Variants in RBM27 observed in about 807,000 individuals in gnomAD.
RBM27 encodes the protein RNA binding motif protein 27.
RBM27 carries 22 observed loss-of-function variants against 135.3 expected under a neutral mutation model. That is an observed-to-expected ratio of 0.16 (90% confidence interval 0.12 to 0.23). The LOEUF is 0.23. RBM27 is among the 10% of genes least tolerant of loss of function. The pLI is 1.00. For missense variants in RBM27, 1,009 were observed against 1,281.0 expected (o/e 0.79, Z 3.24); for synonymous variants, 481 against 442.4 (o/e 1.09, Z -1.10).
chr5:146,283,256 T>C (rs1288832220), intron 19 of RBM27, among the ~76,000 whole-genome samples: 1 of 152,178 alleles, frequency 6.6e-6, no homozygotes, highest in Admixed American at 6.5e-5. Flanking sequence ...ATGGTAAATA[T>C]AGACCAGGTG....
At chr5:146,283,289 C>T (rs919078503) in intron 19 of RBM27, among the ~76,000 whole-genome samples, 1 of 152,014 alleles carries the variant, frequency 6.6e-6, no homozygotes, top group Non-Finnish European at 1.5e-5. Flanking sequence ...CCTGTAATTC[C>T]AACACTTTGG....
At position 146,228,323 on chromosome 5, in the gene RBM27, C is replaced by T. The variant is rs376177818; in HGVS notation, c.304-623C>T. On this transcript the variant is annotated intron_variant, in intron 3 of 20. Transcript: ENST00000265271. ...TTTTTGAGACAAAGTCTCGTGTTGC[C>T]CAGGCTGGAGCGCAGTGGCGTGATC... 9.6e-5 allele frequency among the ~76,000 whole-genome samples: 14 copies of T among 146,500 alleles called. No homozygotes were observed. The East Asian group carries it at 1.8e-3, about 19-fold the overall frequency.
intron 1 of RBM27, among the ~76,000 whole-genome samples, chr5:146,216,015 T>C (rs1446547602): frequency 6.6e-6 from 1 of 152,204 alleles, no homozygotes; most frequent in Non-Finnish European, 1.5e-5. Context: ...TCCCAAGTGC[T>C]GGGATTGCAG....
chr5:146,223,654 A>G, intron 3 of RBM27, 127 bp downstream of exon 3: 1 of 1,065,884 alleles, frequency 9.4e-7, no homozygotes, highest in Non-Finnish European at 1.3e-6. Flanking sequence ...TAGGCATGGT[A>G]CAGATTCTTC....
chr5:146,204,443 G>A (rs1401069169), intron 1 of RBM27, among the ~76,000 whole-genome samples: 1 of 152,120 alleles, frequency 6.6e-6, no homozygotes, highest in African/African-American at 2.4e-5. Flanking sequence ...TTATTGGGGA[G>A]GTGATAAGTG....
At position 146,269,225 on chromosome 5, in the gene RBM27, C is replaced by G. The variant is rs1227934094; in HGVS notation, c.2470C>G (p.Gln824Glu). The G allele has an allele frequency of 6.2e-7, 1 of 1,605,156 alleles. No individual in the cohort carries two copies. The highest frequency in any genetic ancestry group is 8.5e-7 in the Non-Finnish European group (1 of 1,174,642). Residue 824 changes from glutamine (Q) to glutamate (E), a missense_variant, in exon 16 of 21, where the codon CAA (glutamine) becomes GAA (glutamate). Around this residue, in one of 6 missense-constraint regions of RBM27, gnomAD observed 355 missense variants for 427.3 expected, o/e 0.83. Transcript: ENST00000265271. Reference sequence around the variant, plus strand: ...TATACAGGAAGCAATGAAGTTACAACAAGATATGAGGAAAAAAAGACAGGA... The same window carrying G: ...TATACAGGAAGCAATGAAGTTACAAGAAGATATGAGGAAAAAAAGACAGGA... ...KKKQEAMKLQ[Q>E]DMRKKRQEVL...
At chr5:146,231,046 G>T in intron 6 of RBM27, 129 bp downstream of exon 6, 1 of 1,177,072 alleles carries the variant, frequency 8.5e-7, no homozygotes, top group Non-Finnish European at 1.2e-6. Flanking sequence ...TTTTGAGACA[G>T]AGTCTTGCTC....
intron 14 of RBM27, among the ~76,000 whole-genome samples, chr5:146,265,725 ATTGT>A (rs1758586123): frequency 1.3e-5 from 2 of 152,320 alleles, no homozygotes; most frequent in African/African-American, 4.8e-5. Flanking sequence ...TTCTAATCAT[ATTGT>A]TGACAGTGTT....
At chr5:146,265,962 A>G (rs1758597121) in intron 14 of RBM27, among the ~76,000 whole-genome samples, 1 of 152,216 alleles carries the variant, frequency 6.6e-6, no homozygotes, top group Non-Finnish European at 1.5e-5. Context: ...ATATTCCCCA[A>G]ACATTTCCCA....
At position 146,271,535 on chromosome 5, in the gene RBM27, A is replaced by G; in HGVS notation, c.2849A>G (p.Gln950Arg). 6.2e-7 allele frequency: 1 copy of G among 1,613,570 alleles called. No homozygotes were observed. The part of the protein sequence containing the change: ...PVGRGKTMSS[Q>R]GRGRGRGRGG... ...GGTCGAGGAAAGACCATGTCCTCTC[A>G]AGGTCGAGGAAGAGGCCGAGGGCGT... The change falls in exon 19 of 21, where the codon CAA becomes CGA. Residue 950 changes from glutamine to arginine, a missense_variant. Physicochemically the swap from Gln to Arg is conservative, Grantham distance 43. This residue lies in a region of RBM27 where 355 missense variants were observed against 427.3 expected (regional missense o/e 0.83). Coordinates refer to ENST00000265271, the MANE Select transcript of RBM27 (RefSeq NM_018989.2).
intron 14 of RBM27, among the ~76,000 whole-genome samples, chr5:146,267,073 C>T (rs1282867134): frequency 6.6e-6 from 1 of 152,198 alleles, no homozygotes; most frequent in Non-Finnish European, 1.5e-5. Flanking sequence ...CCAGATACCA[C>T]CTGTAGCCAA....
chr5:146,215,617 C>G (rs1756156010), intron 1 of RBM27, among the ~76,000 whole-genome samples: 1 of 152,068 alleles, frequency 6.6e-6, no homozygotes, highest in African/African-American at 2.4e-5. Flanking sequence ...TTTTTTTCCC[C>G]TTCTCTCCTC....
At chr5:146,227,973 G>GTA (rs1468338967) in intron 3 of RBM27, among the ~76,000 whole-genome samples, 2 of 152,046 alleles carry the variant, frequency 1.3e-5, no homozygotes, top group East Asian at 3.8e-4. Flanking sequence ...AATTATGTAT[G>GTA]TATATATATT....
intron 4 of RBM27, 107 bp downstream of exon 4, chr5:146,229,144 A>G (rs2126745413): frequency 2.6e-6 from 2 of 758,014 alleles, no homozygotes; most frequent in East Asian, 5.3e-5. Context: ...TCTCTCTGTA[A>G]ACTCATTAAA....
At chr5:146,243,867 T>G (rs563174541) in intron 8 of RBM27, among the ~76,000 whole-genome samples, 3 of 152,234 alleles carry the variant, frequency 2.0e-5, no homozygotes, top group African/African-American at 7.2e-5. Flanking sequence ...AAACGAAATC[T>G]GGATTTTTCA....
intron 1 of RBM27, among the ~76,000 whole-genome samples, chr5:146,212,596 C>T (rs933542319): frequency 6.6e-6 from 1 of 152,146 alleles, no homozygotes; most frequent in African/African-American, 2.4e-5. Flanking sequence ...TGAAGCAATC[C>T]TCCCACCTCA....
intron 3 of RBM27, among the ~76,000 whole-genome samples, chr5:146,227,971 A>G (rs2163754): frequency 1.4e-4 from 22 of 152,052 alleles, no homozygotes; most frequent in Non-Finnish European, 2.9e-4. Context: ...TGAATTATGT[A>G]TGTATATATA....
rs1759635320 is a variant in RBM27, at chr5:146,287,585, A to T, written c.*1555A>T. The T allele has an allele frequency of 6.6e-6, 1 of 152,162 alleles. No individual in the cohort carries two copies. Among genetic ancestry groups the T allele is most frequent in the Non-Finnish European group, 1.5e-5 (1 of 68,020 alleles). The allele number at this position is 152,162 out of a possible 1,614,324, so 9.4% of individuals were successfully genotyped here. On this transcript the variant is annotated 3_prime_UTR_variant, in exon 21 of 21. Transcript: ENST00000265271. ...TTGCTGAGGTAAAGACAATTTCTCA[A>T]TATAGAAACTATTCACTAAGAACTT...
chr5:146,233,019 C>T (rs566491964), intron 6 of RBM27, among the ~76,000 whole-genome samples: 1 of 152,250 alleles, frequency 6.6e-6, no homozygotes, highest in Non-Finnish European at 1.5e-5. Context: ...GTTTCAACTT[C>T]CAGATATAGC....
Sources: allele counts gnomAD v4.1 joint callset (sites outside exome capture counted in the v4.1 genomes callset), GRCh38; gene constraint gnomAD v4.1.1; regional missense constraint gnomAD v4.1.1; transcripts MANE v1.5; gene names NCBI Gene and HGNC (gene_info 2026-07-23, HGNC 2026-07-21).